LONP2: variants seen among roughly 807,000 people sequenced by gnomAD.
LONP2 encodes the protein lon peptidase 2, peroxisomal.
LONP2 carries 60 observed loss-of-function variants against 85.6 expected under a neutral mutation model. The ratio of observed to expected loss-of-function variants is 0.70; its 90% CI spans 0.57 to 0.87. The LOEUF is 0.87. Ranked by LOEUF, LONP2 falls within the 40% of genes least tolerant of loss-of-function variation. The probability of loss-of-function intolerance (pLI) is 0.00; values close to 1 mark genes in which losing one functional copy is unlikely to be tolerated. For synonymous variants in LONP2, 395 were observed against 389.7 expected (o/e 1.01, Z -0.16); for missense variants, 860 against 1,063.5 (o/e 0.81, Z 2.66).
At chr16:48,298,624 GA>G (rs1249216281) in intron 9 of LONP2, among the ~76,000 whole-genome samples, 37 of 75,256 alleles carry the variant, frequency 4.9e-4, no homozygotes, top group African/African-American at 1.8e-3. Context: ...TTATTTAATT[GA>G]GGTGTGTGTG....
chr16:48,306,151 A>G (rs540814028), intron 11 of LONP2, among the ~76,000 whole-genome samples: 1 of 152,244 alleles, frequency 6.6e-6, no homozygotes, highest in Non-Finnish European at 1.5e-5. Flanking sequence ...CTTGTCTGAT[A>G]TAACAGAAGG....
intron 14 of LONP2, among the ~76,000 whole-genome samples, chr16:48,349,288 C>A (rs900635798): frequency 1.3e-5 from 2 of 151,064 alleles, no homozygotes; most frequent in Admixed American, 1.3e-4. Context: ...TTTTTTCTAT[C>A]GAGATGGAGT....
At chr16:48,328,675 CA>C (rs964534755) in intron 11 of LONP2, among the ~76,000 whole-genome samples, 393 of 67,642 alleles carry the variant, frequency 5.8e-3, no homozygotes, top group East Asian at 9.5e-3. Flanking sequence ...GACTCCGTCT[CA>C]AAAAAAAAAA....
chr16:48,341,866 A>G (rs6500380), intron 12 of LONP2, among the ~76,000 whole-genome samples: 130,769 of 152,188 alleles, frequency 0.86, 58,185 homozygotes, highest in African/African-American at 0.97. Context: ...CTATCACGGC[A>G]AGACTCAGAA....
intron 11 of LONP2, among the ~76,000 whole-genome samples, chr16:48,303,989 C>G (rs1972861788): frequency 1.3e-5 from 2 of 152,200 alleles, no homozygotes; most frequent in Admixed American, 6.5e-5. Flanking sequence ...TCCGCTGACT[C>G]AAATGTTAAT....
At chr16:48,341,534 C>T (rs939470198) in intron 12 of LONP2, among the ~76,000 whole-genome samples, 1 of 152,078 alleles carries the variant, frequency 6.6e-6, no homozygotes, top group Admixed American at 6.5e-5. Flanking sequence ...CTAAACCATT[C>T]ATGAGAAATT....
chr16:48,303,371 G>A lies in LONP2; in HGVS notation c.1795+66G>A. ...GGAGTGAGTGACAGAAGAAGGTTGG[G>A]TATGGAGGGGAAGGTGTTGGGTAGT... On this transcript the variant is annotated intron_variant, in intron 11 of 14. Transcript: ENST00000285737. The A allele has an allele frequency of 3.1e-6, 5 of 1,587,736 alleles. No homozygotes were observed. The South Asian group carries it at 4.5e-5, about 14-fold the overall frequency.
At chr16:48,305,680 C>A (rs1248740024) in intron 11 of LONP2, among the ~76,000 whole-genome samples, 1 of 152,142 alleles carries the variant, frequency 6.6e-6, no homozygotes, top group African/African-American at 2.4e-5. Context: ...CTTTTAGGAC[C>A]CACATCAACT....
chr16:48,333,617 G>A (rs778217150), intron 11 of LONP2, among the ~76,000 whole-genome samples: 6 of 149,000 alleles, frequency 4.0e-5, no homozygotes, highest in Non-Finnish European at 7.4e-5. Context: ...GCAGTGAGCT[G>A]TGTTCACACC....
chr16:48,293,981 C>A (rs9925935), intron 8 of LONP2, among the ~76,000 whole-genome samples: 31,565 of 152,124 alleles, frequency 0.21, 4,030 homozygotes, highest in African/African-American at 0.35. Context: ...CTGTCGCCCA[C>A]GCTGGAGTGC....
intron 5 of LONP2, among the ~76,000 whole-genome samples, chr16:48,261,979 CT>C: frequency 6.6e-6 from 1 of 152,158 alleles, no homozygotes; most frequent in East Asian, 1.9e-4. Flanking sequence ...GCCATTTTTC[CT>C]TTGCATACTT....
At chr16:48,357,796 A>AT (rs1274472598), downstream of LONP2, among the ~76,000 whole-genome samples, 1 of 152,212 alleles carries the variant, frequency 6.6e-6, no homozygotes, top group Non-Finnish European at 1.5e-5. Flanking sequence ...AGCCACTTAC[A>AT]TACGTTTGAA....
At chr16:48,351,377 T>C (rs1161959620) in intron 14 of LONP2, among the ~76,000 whole-genome samples, 1 of 152,180 alleles carries the variant, frequency 6.6e-6, no homozygotes, top group Non-Finnish European at 1.5e-5. Flanking sequence ...TCAGAGTCTT[T>C]AATATAACAC....
At chr16:48,310,450 C>G (rs1973007287) in intron 11 of LONP2, among the ~76,000 whole-genome samples, 1 of 152,072 alleles carries the variant, frequency 6.6e-6, no homozygotes, top group South Asian at 2.1e-4. Context: ...CTCCCAAGTT[C>G]AAGCGATTCC....
intron 8 of LONP2, among the ~76,000 whole-genome samples, chr16:48,283,005 A>G (rs534284115): frequency 6.6e-6 from 1 of 152,346 alleles, no homozygotes; most frequent in East Asian, 1.9e-4. Context: ...TGCTGATATG[A>G]AGAAAGTTTT....
intron 11 of LONP2, among the ~76,000 whole-genome samples, chr16:48,311,776 C>T (rs1032044855): frequency 6.6e-6 from 1 of 152,094 alleles, no homozygotes; most frequent in African/African-American, 2.4e-5. Flanking sequence ...CATACCACCA[C>T]ACCTAGCTTA....
In LONP2 at chr16:48,256,709, A is replaced by G. The variant is rs1350383478; in HGVS notation, c.568A>G (p.Ile190Val). The change falls in exon 3 of 15, where the codon ATT becomes GTT. Residue 190 changes from isoleucine (I) to valine (V), a missense_variant. Physicochemically the swap from Ile to Val is conservative, Grantham distance 29 (BLOSUM62 3). Coordinates refer to ENST00000285737, the MANE Select transcript of LONP2 (RefSeq NM_031490.5). ...AGCTTTACCAGACATCTTGACATCA[A>G]TTATCCGAACAAGCAACAAAGAGAA... is the stretch of plus-strand genomic sequence containing the variant. ...REALPDILTS[I>V]IRTSNKEKLQ... The G allele has an allele frequency of 1.2e-6, 2 of 1,614,010 alleles. No homozygotes were observed. The highest frequency in any genetic ancestry group is 1.7e-5 in the Admixed American group (1 of 60,012).
intron 12 of LONP2, chr16:48,336,622 G>A (rs1463230988): frequency 5.7e-6 from 2 of 350,938 alleles, no homozygotes; most frequent in South Asian, 2.1e-5. Flanking sequence ...AGGGGCGGGG[G>A]TCACAAGGTG....
At chr16:48,245,212 C>G (rs959383392) in intron 1 of LONP2, among the ~76,000 whole-genome samples, 4 of 152,254 alleles carry the variant, frequency 2.6e-5, no homozygotes, top group African/African-American at 9.6e-5. Flanking sequence ...TGTAAAGGGC[C>G]TTTACTGCTC....
Sources: allele counts gnomAD v4.1 joint callset (sites outside exome capture counted in the v4.1 genomes callset), GRCh38; gene constraint gnomAD v4.1.1; transcripts MANE v1.5; gene names NCBI Gene and HGNC (gene_info 2026-07-23, HGNC 2026-07-21).